The following SOX10 variants were observed in gnomAD, a reference collection of about 807,000 sequenced individuals.
SOX10 encodes the protein transcription factor SOX-10.
A neutral mutation model predicts 35.0 loss-of-function variants in SOX10; 3 were observed. That is an observed-to-expected ratio of 0.09 (90% CI 0.04 to 0.22). The LOEUF is 0.22. Ranked by LOEUF, SOX10 falls within the 10% of genes least tolerant of loss-of-function variation. The pLI is 1.00. For synonymous variants in SOX10, 285 were observed against 291.0 expected (o/e 0.98, Z 0.21); for missense variants, 436 against 655.1 (o/e 0.67, Z 3.65).
chr22:37,982,177 C>T (rs1173265232), intron 2 of SOX10, among the ~76,000 whole-genome samples: 1 of 152,196 alleles, frequency 6.6e-6, no homozygotes, highest in African/African-American at 2.4e-5. Context: ...GTAGGTGATC[C>T]ACCACTGTCA....
intron 2 of SOX10, among the ~76,000 whole-genome samples, chr22:37,979,077 C>G: frequency 6.6e-6 from 1 of 151,530 alleles, no homozygotes; most frequent in East Asian, 1.9e-4. Flanking sequence ...GTGCCCAGCC[C>G]AAGAGGTACT....
At chr22:37,975,321 C>T (rs139886) in intron 3 of SOX10, among the ~76,000 whole-genome samples, 90,011 of 151,878 alleles carry the variant, frequency 0.59, 26,919 homozygotes, top group East Asian at 0.75. Context: ...ACTTGGGAGA[C>T]CAGAGGAGGA....
rs1005740514 is a variant in SOX10 at position 37,980,707 on chromosome 22, C to G, written c.429-2572G>C. Among the ~76,000 whole-genome samples, 5 of 152,382 alleles carry G rather than the reference C, an allele frequency of 3.3e-5. No individual in the cohort carries two copies. The highest frequency in any genetic ancestry group is 3.4e-3 in the Middle Eastern group (1 of 294). On this transcript the variant is annotated intron_variant, in intron 2 of 3. Transcript: ENST00000396884. This position sits in a 1 kb window ranked among gnomAD's most constrained non-coding sequence, Gnocchi z 4.1. ...CAAACCCAGTCCTCATCTGCACCTTCCTGTCAGCCCTCTTTCTCCCTGGTC... is the reference window on the plus strand; with the variant it reads ...CAAACCCAGTCCTCATCTGCACCTTGCTGTCAGCCCTCTTTCTCCCTGGTC...
At position 37,973,253 on chromosome 22, in the gene SOX10, G is replaced by A; in HGVS notation, c.*242C>T. On this transcript the variant is annotated 3_prime_UTR_variant, in exon 4 of 4. Transcript: ENST00000396884. ...TGCAGCCCCTCATCTTTCAGTGTGG[G>A]TGCAACAGTCAACCTCCTTCTCCTC... The A allele has an allele frequency of 4.0e-6, 2 of 494,648 alleles. No individual in the cohort carries two copies. Among genetic ancestry groups the A allele is most frequent in the Admixed American group, 3.5e-5 (1 of 28,672 alleles). 30.6% of individuals were successfully genotyped at this position (494,648 alleles called of 1,614,324 possible).
chr22:37,973,370 C>T lies in SOX10; in HGVS notation c.*125G>A, dbSNP rs748812960. 8 of 671,162 alleles carry T rather than the reference C, an allele frequency of 1.2e-5. No individual in the cohort carries two copies. The highest frequency in any genetic ancestry group is 1.7e-5 in the Non-Finnish European group (7 of 402,276). 41.6% of individuals were successfully genotyped at this position (671,162 alleles called of 1,614,324 possible). A position where few individuals can be genotyped will look rare whatever the true frequency, so the allele number is the denominator to read the frequency against. Reference sequence around the variant, plus strand: ...GTGAGCCAGACAGAAAGCCCCCCGACCTGTCAGCCTCTTCAGCCTCCTCAG... The same window carrying T: ...GTGAGCCAGACAGAAAGCCCCCCGATCTGTCAGCCTCTTCAGCCTCCTCAG... On this transcript the variant is annotated 3_prime_UTR_variant, in exon 4 of 4. Transcript: ENST00000396884.
intron 2 of SOX10, among the ~76,000 whole-genome samples, chr22:37,981,800 G>A (rs1932405699): frequency 6.6e-6 from 1 of 152,194 alleles, no homozygotes; most frequent in African/African-American, 2.4e-5. Context: ...TCTGCTCTTG[G>A]GCAGAACTGG....
In SOX10 at chr22:37,980,052, C is replaced by T. The variant is rs59450552; in HGVS notation, c.429-1917G>A. On this transcript the variant is annotated intron_variant, in intron 2 of 3. Coordinates refer to ENST00000396884, the MANE Select transcript of SOX10 (RefSeq NM_006941.4). The surrounding 1 kb of genome is among the most constrained non-coding windows in gnomAD (Gnocchi z 4.1). ...GCTTAGCCTCCCTGTCTACTCCCCC[C>T]ACCCCGGCCCTGAGCCCAGCCCTAG... is the stretch of plus-strand genomic sequence containing the variant. 2.0e-5 allele frequency among the ~76,000 whole-genome samples: 3 copies of T among 152,286 alleles called. No homozygotes were observed. Among genetic ancestry groups the T allele is most frequent in the South Asian group, 4.1e-4 (2 of 4,820 alleles).
chr22:37,982,105 T>A (rs1601885702), intron 2 of SOX10, among the ~76,000 whole-genome samples: 1 of 152,196 alleles, frequency 6.6e-6, no homozygotes, highest in East Asian at 1.9e-4. Context: ...GGAACCCAGA[T>A]GCTCCTCACT....
Position 37,980,671 on chromosome 22 carries a change from A to G in SOX10, c.429-2536T>C, listed in dbSNP as rs1411828418. ...GCCCCAAACCCCCAACTTCGCCTCC[A>G]GCTCTAACTCCAAACCCAGTCCTCA... On this transcript the variant is annotated intron_variant, in intron 2 of 3. Coordinates refer to ENST00000396884, the MANE Select transcript of SOX10 (RefSeq NM_006941.4). This position sits in a 1 kb window ranked among gnomAD's most constrained non-coding sequence, Gnocchi z 4.1. Among the ~76,000 whole-genome samples, 1 of 152,110 alleles carries G rather than the reference A, an allele frequency of 6.6e-6. No homozygotes were observed. The highest frequency in any genetic ancestry group is 1.5e-5 in the Non-Finnish European group (1 of 67,998).
In SOX10 at chr22:37,974,326, C is replaced by A; in HGVS notation, c.698-128G>T. 2 of 675,992 alleles carry A rather than the reference C, an allele frequency of 3.0e-6. No individual in the cohort carries two copies. The highest frequency in any genetic ancestry group is 5.0e-6 in the Non-Finnish European group (2 of 396,930). 41.9% of individuals were successfully genotyped at this position (675,992 alleles called of 1,614,324 possible). A position where few individuals can be genotyped will look rare whatever the true frequency, so the allele number is the denominator to read the frequency against. On this transcript the variant is annotated intron_variant, in intron 3 of 3. Transcript: ENST00000396884. The surrounding 1 kb of genome is among the most constrained non-coding windows in gnomAD (Gnocchi z 5.4). ...CTCTGGGAAAACCTTGTAAGTTTCA[C>A]ATTTTGGCAGCATGAGTCGGGTTTT... is the stretch of plus-strand genomic sequence containing the variant.
At position 37,984,475 on chromosome 22, in the gene SOX10, G is replaced by A. The variant is rs1157595183; in HGVS notation, c.-221C>T. On this transcript the variant is annotated 5_prime_UTR_variant, in exon 1 of 4. Coordinates refer to ENST00000396884, the MANE Select transcript of SOX10 (RefSeq NM_006941.4). The surrounding 1 kb of genome is among the most constrained non-coding windows in gnomAD (Gnocchi z 4.4). ...GAGGGGCGGGGGGCCCTGAGCCTCA[G>A]GCCACGGCCTCGTTAGGACGGAGCC... 1 of 153,004 alleles carries A rather than the reference G, an allele frequency of 6.5e-6. No individual in the cohort carries two copies. The highest frequency in any genetic ancestry group is 2.4e-5 in the African/African-American group (1 of 41,460). The allele number at this position is 153,004 out of a possible 1,614,324, so 9.5% of individuals were successfully genotyped here. A position where few individuals can be genotyped will look rare whatever the true frequency, so the allele number is the denominator to read the frequency against.
intron 2 of SOX10, among the ~76,000 whole-genome samples, chr22:37,982,114 C>T (rs1601885708): frequency 6.6e-6 from 1 of 152,340 alleles, no homozygotes; most frequent in East Asian, 1.9e-4. Flanking sequence ...ATGCTCCTCA[C>T]TCTTGTTCTC....
At position 37,978,852 on chromosome 22, in the gene SOX10, C is replaced by T. The variant is rs191265500; in HGVS notation, c.429-717G>A. ...AGCTCAGTGGTATGATCTCAGCTCA[C>T]TGCAACCTCTGCCTCCCAGGTTCAA... On this transcript the variant is annotated intron_variant, in intron 2 of 3. Transcript: ENST00000396884. This position sits in a 1 kb window ranked among gnomAD's most constrained non-coding sequence, Gnocchi z 5.0. Among the ~76,000 whole-genome samples the T allele has an allele frequency of 7.9e-5, 12 of 152,238 alleles. No homozygotes were observed. The East Asian group carries it at 2.1e-3, about 27-fold the overall frequency.
rs962827197 is a variant in SOX10 at position 37,972,854 on chromosome 22, G to A, written c.*641C>T. On this transcript the variant is annotated 3_prime_UTR_variant, in exon 4 of 4. Transcript: ENST00000396884. ...TTCTCAGACAAAGAATGAGGTTATT[G>A]GCACAGAATTGGATCAGGGGGCCTC... The A allele has an allele frequency of 1.3e-5, 2 of 153,594 alleles. No homozygotes were observed. The highest frequency in any genetic ancestry group is 4.8e-5 in the African/African-American group (2 of 41,404). The allele number at this position is 153,594 out of a possible 1,614,324, so 9.5% of individuals were successfully genotyped here. A position where few individuals can be genotyped will look rare whatever the true frequency, so the allele number is the denominator to read the frequency against.
chr22:37,978,985 C>T lies in SOX10; in HGVS notation c.429-850G>A, dbSNP rs1208462495. On this transcript the variant is annotated intron_variant, in intron 2 of 3. Coordinates refer to ENST00000396884, the MANE Select transcript of SOX10 (RefSeq NM_006941.4). The surrounding 1 kb of genome is among the most constrained non-coding windows in gnomAD (Gnocchi z 5.0). ...AGAGATGGGGTTTCACCATGTTGAC[C>T]AGGCTGGTCTCCAACTCCTGACCTT... Among the ~76,000 whole-genome samples the T allele has an allele frequency of 6.6e-6, 1 of 152,162 alleles. No individual in the cohort carries two copies. Among genetic ancestry groups the T allele is most frequent in the African/African-American group, 2.4e-5 (1 of 41,442 alleles).
Position 37,983,898 on chromosome 22 carries a change from C to T in SOX10, c.-84-30G>A. On this transcript the variant is annotated intron_variant, in intron 1 of 3. Transcript: ENST00000396884. This position sits in a 1 kb window ranked among gnomAD's most constrained non-coding sequence, Gnocchi z 9.5. ...ATGGAAGGAGGGCGCGATGGAGCGGCCGCGCGCGCAGCCCCGAGGGCGGCC... is the reference window on the plus strand; with the variant it reads ...ATGGAAGGAGGGCGCGATGGAGCGGTCGCGCGCGCAGCCCCGAGGGCGGCC... 1 of 931,806 alleles carries T rather than the reference C, an allele frequency of 1.1e-6. No individual in the cohort carries two copies. The highest frequency in any genetic ancestry group is 4.6e-5 in the Admixed American group (1 of 21,630). The allele number at this position is 931,806 out of a possible 1,614,324, so 57.7% of individuals were successfully genotyped here.
chr22:37,973,871 A>G lies in SOX10; in HGVS notation c.1025T>C (p.Leu342Pro). 6.2e-7 allele frequency: 1 copy of G among 1,610,022 alleles called. No homozygotes were observed. Among genetic ancestry groups the G allele is most frequent in the Non-Finnish European group, 8.5e-7 (1 of 1,178,680 alleles). Residue 342 changes from leucine to proline, a missense_variant, in exon 4 of 4, where the codon CTG becomes CCG. By Grantham distance (98) the Leu-to-Pro change is moderately conservative. Transcript: ENST00000396884. ...AWISKPPGVA[L>P]PTVSPPGVDA... ...CACACCAGGTGGTGAGACCGTGGGCAGAGCCACGCCTGGTGGCTTGGAGAT... is the reference window on the plus strand; with the variant it reads ...CACACCAGGTGGTGAGACCGTGGGCGGAGCCACGCCTGGTGGCTTGGAGAT...
Position 37,977,978 on chromosome 22 carries a change from C to G in SOX10, c.586G>C (p.Glu196Gln), listed in dbSNP as rs763210407. 4 of 1,611,958 alleles carry G rather than the reference C, an allele frequency of 2.5e-6. No individual in the cohort carries two copies. In the Admixed American group the frequency reaches 6.7e-5, roughly 27 times the overall value. Residue 196 changes from glutamate to glutamine, a missense_variant, in exon 3 of 4, where the codon GAG (glutamate) becomes CAG (glutamine). Glu to Gln is a conservative substitution (Grantham distance 29, BLOSUM62 2). Coordinates refer to ENST00000396884, the MANE Select transcript of SOX10 (RefSeq NM_006941.4). ...GEAECPGGEA[E>Q]QGGTAAIQAH... ...TGGATGGCGGCGGTCCCACCTTGCT[C>G]GGCCTCCCCACCGGGGCACTCCGCC...
In SOX10 at chr22:37,974,623, G is replaced by A. The variant is rs1601879879; in HGVS notation, c.698-425C>T. ...CTGCCTCGGCCTCCCAAAGTGCTGGGATTACCATCATGAGCCACTGCGCCC... is the reference window on the plus strand; with the variant it reads ...CTGCCTCGGCCTCCCAAAGTGCTGGAATTACCATCATGAGCCACTGCGCCC... On this transcript the variant is annotated intron_variant, in intron 3 of 3. Transcript: ENST00000396884. The surrounding 1 kb of genome is among the most constrained non-coding windows in gnomAD (Gnocchi z 5.4). 6.6e-6 allele frequency among the ~76,000 whole-genome samples: 1 copy of A among 152,100 alleles called. No homozygotes were observed. Among genetic ancestry groups the A allele is most frequent in the Non-Finnish European group, 1.5e-5 (1 of 68,024 alleles).
Sources: gnomAD v4.1 joint callset for allele counts (sites outside exome capture counted in the v4.1 genomes callset) on GRCh38, gnomAD v4.1.1 for gene constraint, Gnocchi (gnomAD v3.1) non-coding constraint, MANE v1.5 for transcripts, NCBI Gene and HGNC (gene_info 2026-07-23, HGNC 2026-07-21) for gene names.